KIF26B: variants seen among roughly 807,000 people sequenced by gnomAD.
KIF26B encodes the protein kinesin family member 26B.
In KIF26B, 63 loss-of-function variants were observed where a neutral mutation model predicts 151.2. The ratio of observed to expected loss-of-function variants is 0.42; its 90% confidence interval spans 0.34 to 0.51. KIF26B has a LOEUF of 0.51. Among genes scored for constraint, KIF26B ranks in the 20% least tolerant of loss-of-function variants. The pLI, the probability that KIF26B is intolerant of heterozygous loss-of-function variation, is 0.07. For missense variants in KIF26B, 2,813 were observed against 2,913.6 expected (o/e 0.97, Z 0.79); for synonymous variants, 1,357 against 1,262.1 (o/e 1.08, Z -1.59).
chr1:245,567,791 A>G (rs1483910054), intron 5 of KIF26B, among the ~76,000 whole-genome samples: 3 of 152,184 alleles, frequency 2.0e-5, no homozygotes, highest in Non-Finnish European at 4.4e-5. Flanking sequence ...CAGTGCAAGT[A>G]GAATAGGGTC....
chr1:245,398,538 A>G (rs1673915038), intron 3 of KIF26B, among the ~76,000 whole-genome samples: 1 of 151,904 alleles, frequency 6.6e-6, no homozygotes, highest in South Asian at 2.1e-4. Flanking sequence ...GCTTCTTTCT[A>G]TGGGGAAGTC....
At chr1:245,222,235 G>A (rs937206371) in intron 2 of KIF26B, among the ~76,000 whole-genome samples, 4 of 152,162 alleles carry the variant, frequency 2.6e-5, no homozygotes, top group African/African-American at 9.7e-5. Flanking sequence ...TCAGGAGTTC[G>A]AGACCAGCCT....
At chr1:245,163,856 T>C (rs1558330031) in intron 2 of KIF26B, among the ~76,000 whole-genome samples, 1 of 152,318 alleles carries the variant, frequency 6.6e-6, no homozygotes, top group South Asian at 2.1e-4. Context: ...CGTCGCCTTA[T>C]TAAATTCTAC....
chr1:245,180,965 G>C (rs11809561), intron 2 of KIF26B, among the ~76,000 whole-genome samples: 95,516 of 151,878 alleles, frequency 0.63, 31,243 homozygotes, highest in Non-Finnish European at 0.72. Context: ...GGGCAAGATA[G>C]GGTGGGGGAC....
intron 3 of KIF26B, among the ~76,000 whole-genome samples, chr1:245,392,700 T>C (rs1463776368): frequency 6.6e-6 from 1 of 152,236 alleles, no homozygotes; most frequent in East Asian, 1.9e-4. Flanking sequence ...GGGATGTCTT[T>C]TGGCGTGGAG....
chr1:245,506,088 C>T (rs1276592337), intron 4 of KIF26B, among the ~76,000 whole-genome samples: 1 of 152,162 alleles, frequency 6.6e-6, no homozygotes, highest in Non-Finnish European at 1.5e-5. Flanking sequence ...CGAATTTTAG[C>T]TGCTTATATT....
intron 4 of KIF26B, among the ~76,000 whole-genome samples, chr1:245,452,320 A>G (rs185864283): frequency 2.0e-5 from 3 of 152,286 alleles, no homozygotes; most frequent in Non-Finnish European, 4.4e-5. Flanking sequence ...TATATACCAT[A>G]CTTTTTTATT....
chr1:245,282,539 A>G (rs1228258603), intron 2 of KIF26B, among the ~76,000 whole-genome samples: 1 of 152,156 alleles, frequency 6.6e-6, no homozygotes, highest in African/African-American at 2.4e-5. Flanking sequence ...AAGTGTGTAG[A>G]ACATCATGTG....
chr1:245,437,623 G>C (rs1467019076), intron 4 of KIF26B, among the ~76,000 whole-genome samples: 1 of 152,140 alleles, frequency 6.6e-6, no homozygotes, highest in Admixed American at 6.5e-5. Context: ...GCAAAGTGTT[G>C]TTCAAGCTGC....
chr1:245,364,378 T>G (rs1334018609), intron 2 of KIF26B, among the ~76,000 whole-genome samples: 1 of 149,682 alleles, frequency 6.7e-6, no homozygotes, highest in African/African-American at 2.5e-5. Context: ...GCGTTGGAAA[T>G]AAACTGTGAT....
intron 2 of KIF26B, among the ~76,000 whole-genome samples, chr1:245,193,411 T>C (rs556072858): frequency 6.6e-6 from 1 of 152,360 alleles, no homozygotes; most frequent in Non-Finnish European, 1.5e-5. Flanking sequence ...TGCCATTGTG[T>C]TCACCAAAGA....
At chr1:245,693,209 C>T (rs1244027759) in intron 12 of KIF26B, among the ~76,000 whole-genome samples, 1 of 152,136 alleles carries the variant, frequency 6.6e-6, no homozygotes, top group Non-Finnish European at 1.5e-5. Flanking sequence ...GAATTAAATT[C>T]ATTCCCACCA....
At chr1:245,551,438 G>C (rs1481589617) in intron 5 of KIF26B, among the ~76,000 whole-genome samples, 1 of 152,298 alleles carries the variant, frequency 6.6e-6, no homozygotes, top group East Asian at 1.9e-4. Context: ...TAAGATACTC[G>C]CTGGGAGGTA....
intron 4 of KIF26B, among the ~76,000 whole-genome samples, chr1:245,520,611 C>CCCACCCATCCATCCAT (rs1661079316): frequency 7.6e-5 from 6 of 78,774 alleles, no homozygotes; most frequent in African/African-American, 2.2e-4. Context: ...CACCCACCCA[C>CCCACCCATCCATCCAT]CCATCCATCC....
intron 2 of KIF26B, among the ~76,000 whole-genome samples, chr1:245,246,898 C>G (rs867192643): frequency 6.1e-5 from 9 of 147,984 alleles, no homozygotes; most frequent in South Asian, 2.1e-4. Flanking sequence ...CACACAGACA[C>G]ACACACACAG....
In KIF26B at chr1:245,510,739, G is replaced by A. The variant is rs188764714; in HGVS notation, c.1167-30028G>A. Among the ~76,000 whole-genome samples the A allele has an allele frequency of 2.2e-3, 325 of 149,312 alleles. 1 individual carries two copies. The highest frequency in any genetic ancestry group is 5.1e-3 in the Admixed American group (76 of 14,958). On this transcript the variant is annotated intron_variant, in intron 4 of 14. Transcript: ENST00000407071. The stretch of plus-strand genomic sequence containing the variant: ...ACTGGTGCAGCTTCCTTTGAGAAGC[G>A]TGCTTGCATGTGCGGATTGGCAGGA...
At chr1:245,163,742 T>C (rs1399444062) in intron 2 of KIF26B, among the ~76,000 whole-genome samples, 1 of 152,212 alleles carries the variant, frequency 6.6e-6, no homozygotes, top group African/African-American at 2.4e-5. Flanking sequence ...TTTTCTTAGG[T>C]ATTATAGCTT....
In KIF26B at chr1:245,687,122, G is replaced by T; in HGVS notation, c.4139G>T (p.Ser1380Ile). 3 of 1,613,448 alleles carry T rather than the reference G, an allele frequency of 1.9e-6. No individual in the cohort carries two copies. The highest frequency in any genetic ancestry group is 2.5e-6 in the Non-Finnish European group (3 of 1,179,846). Residue 1380 changes from serine (S) to isoleucine (I), a missense_variant, in exon 12 of 15, where the codon AGC becomes ATC. Physicochemically the swap from Ser to Ile is moderately radical, Grantham distance 142 (BLOSUM62 -2). Around this residue, in one of 3 missense-constraint regions of KIF26B, gnomAD observed 2,060 missense variants for 2,088.6 expected, o/e 0.99. Transcript: ENST00000407071. The surrounding 1 kb of genome is among the most constrained non-coding windows in gnomAD (Gnocchi z 4.9). ...ATCTCCAACACGGCCAATCTGAGCAGCTGCGAGGGGTACATCCCCATGAAG... is the reference window on the plus strand; with the variant it reads ...ATCTCCAACACGGCCAATCTGAGCATCTGCGAGGGGTACATCCCCATGAAG... Reference protein sequence around the residue: ...VTISNTANLSSCEGYIPMKTN... With the variant: ...VTISNTANLSICEGYIPMKTN...
intron 4 of KIF26B, among the ~76,000 whole-genome samples, chr1:245,539,462 G>A (rs1558205364): frequency 6.6e-6 from 1 of 152,158 alleles, no homozygotes; most frequent in Admixed American, 6.6e-5. Context: ...TAAAGTCAGG[G>A]CGGTCCTTTC....
Sources: gnomAD v4.1 joint callset for allele counts (sites outside exome capture counted in the v4.1 genomes callset) on GRCh38, gnomAD v4.1.1 for gene constraint, gnomAD v4.1.1 regional missense constraint, Gnocchi (gnomAD v3.1) non-coding constraint, MANE v1.5 for transcripts, NCBI Gene and HGNC (gene_info 2026-07-23, HGNC 2026-07-21) for gene names.